GLIS3: variants seen among roughly 807,000 people sequenced by gnomAD.
GLIS3 encodes the protein GLIS family zinc finger 3.
GLIS3 carries 53 observed loss-of-function variants against 78.6 expected under a neutral mutation model. The observed-to-expected ratio is 0.67, with a 90% CI of 0.54 to 0.85. The LOEUF is 0.85. Ranked by LOEUF, GLIS3 falls within the 40% of genes least tolerant of loss-of-function variation. The pLI, the probability that GLIS3 is intolerant of heterozygous loss-of-function variation, is 0.00. For synonymous variants in GLIS3, 684 were observed against 509.9 expected, an observed-to-expected ratio of 1.34 and a Z score of -4.60; for missense variants, 1,703 against 1,231.1, an observed-to-expected ratio of 1.38 and a Z score of -5.74.
rs199976011 is a variant in GLIS3 at position 4,286,000 on chromosome 9, G to C, written c.388+38C>G. 3.2e-3 allele frequency: 5,214 copies of C among 1,613,214 alleles called. 9 individuals carry two copies. Among genetic ancestry groups the C allele is most frequent in the Non-Finnish European group, 4.0e-3 (4,695 of 1,179,482 alleles). On this transcript the variant is annotated intron_variant, in intron 2 of 10. Coordinates refer to ENST00000381971, the MANE Select transcript of GLIS3 (RefSeq NM_001042413.2). ...AAATGGGATGGGGGAGAAAAAAATC[G>C]TTTCCATTTTTAAAAGGTTCCAGAA...
intron 4 of GLIS3, among the ~76,000 whole-genome samples, chr9:4,050,602 A>T (rs1258730060): frequency 6.6e-6 from 1 of 152,186 alleles, no homozygotes; most frequent in African/African-American, 2.4e-5. Flanking sequence ...ATAATAATAA[A>T]AATAAAAGTA....
chr9:4,432,262 A>G, the GLIS3 span, among the ~76,000 whole-genome samples: 1 of 152,264 alleles, frequency 6.6e-6, no homozygotes, highest in Non-Finnish European at 1.5e-5. Context: ...TAAATGATAA[A>G]GTACCTTTAG....
intron 2 of GLIS3, among the ~76,000 whole-genome samples, chr9:4,220,790 T>C (rs945160408): frequency 6.6e-6 from 1 of 151,506 alleles, no homozygotes; most frequent in African/African-American, 2.4e-5. Flanking sequence ...CCATTCCTCA[T>C]TAAAAGAGCC....
chr9:3,879,562 C>A lies in GLIS3; in HGVS notation c.2162G>T (p.Ser721Ile). The A allele has an allele frequency of 1.2e-6, 2 of 1,614,082 alleles. No individual in the cohort carries two copies. Among genetic ancestry groups the A allele is most frequent in the Non-Finnish European group, 1.7e-6 (2 of 1,180,014 alleles). ...PIFSSNYSSRSGTAAGAVPPP... is the reference protein window; with the variant it reads ...PIFSSNYSSRIGTAAGAVPPP... ...TGGTACGGCCCCAGCAGCTGTTCCACTTCGGCTTGAATAATTGCTGGAGAA... is the reference window on the plus strand; with the variant it reads ...TGGTACGGCCCCAGCAGCTGTTCCAATTCGGCTTGAATAATTGCTGGAGAA... Residue 721 changes from serine to isoleucine, a missense_variant, in exon 8 of 11, where the codon AGT becomes ATT. Transcript: ENST00000381971.
intron 2 of GLIS3, among the ~76,000 whole-genome samples, chr9:4,241,440 A>G (rs2129705538): frequency 6.6e-6 from 1 of 152,318 alleles, no homozygotes; most frequent in South Asian, 2.1e-4. Flanking sequence ...GTATTTTTCA[A>G]AATAGCTAGA....
chr9:4,211,677 A>G (rs989021361), intron 2 of GLIS3, among the ~76,000 whole-genome samples: 1 of 152,244 alleles, frequency 6.6e-6, no homozygotes. Flanking sequence ...ATATTTATTC[A>G]GAAGAAATGA....
chr9:4,250,301 T>C (rs1428390536), intron 2 of GLIS3, among the ~76,000 whole-genome samples: 2 of 152,230 alleles, frequency 1.3e-5, no homozygotes, highest in African/African-American at 4.8e-5. Context: ...GAATTTGTTA[T>C]TGACCTACTC....
chr9:4,272,526 C>G (rs1291477645), intron 2 of GLIS3, among the ~76,000 whole-genome samples: 1 of 152,086 alleles, frequency 6.6e-6, no homozygotes, highest in Non-Finnish European at 1.5e-5. Context: ...CCTCTCTGTT[C>G]TCTTATTTTC....
At chr9:4,440,596 C>T in the GLIS3 span, among the ~76,000 whole-genome samples, 2 of 152,096 alleles carry the variant, frequency 1.3e-5, no homozygotes, top group Non-Finnish European at 2.9e-5. Context: ...GGTAGTGTTA[C>T]ACCTTTGTTC....
At chr9:4,020,497 T>C (rs1822796962) in intron 4 of GLIS3, among the ~76,000 whole-genome samples, 1 of 152,164 alleles carries the variant, frequency 6.6e-6, no homozygotes, top group South Asian at 2.1e-4. Context: ...TCACCAACCC[T>C]TTTGCTTAGT....
intron 6 of GLIS3, among the ~76,000 whole-genome samples, chr9:3,902,568 G>A (rs751704780): frequency 2.0e-4 from 31 of 152,212 alleles, no homozygotes; most frequent in Non-Finnish European, 3.8e-4. Flanking sequence ...TTCAGTGACA[G>A]GAGGGAGGGT....
rs183789884 is a variant in GLIS3 at position 3,923,831 on chromosome 9, C to T, written c.1983+8529G>A. ...CCTCATGTAGTGGCAGTGTGACAAG[C>T]AACCATCCTAAAAGCCATGCTTTTC... On this transcript the variant is annotated intron_variant, in intron 6 of 10. Transcript: ENST00000381971. Among the ~76,000 whole-genome samples, 297 of 152,308 alleles carry T rather than the reference C, an allele frequency of 1.9e-3. 7 individuals are homozygous for T. Among genetic ancestry groups the T allele is most frequent in the Middle Eastern group, 0.017 (5 of 294 alleles).
the GLIS3 span, among the ~76,000 whole-genome samples, chr9:4,460,164 G>A: frequency 6.6e-6 from 1 of 151,828 alleles, no homozygotes; most frequent in Non-Finnish European, 1.5e-5. Flanking sequence ...TCAACAGTGG[G>A]GAATCTCATG....
intron 7 of GLIS3, among the ~76,000 whole-genome samples, chr9:3,884,483 A>G (rs556623104): frequency 3.3e-5 from 5 of 152,202 alleles, no homozygotes; most frequent in Admixed American, 2.0e-4. Context: ...TTTAATGTGC[A>G]AATAAATCAT....
intron 4 of GLIS3, among the ~76,000 whole-genome samples, chr9:4,007,874 G>A (rs985150566): frequency 1.4e-5 from 2 of 147,876 alleles, no homozygotes; most frequent in Non-Finnish European, 3.0e-5. Context: ...CCCATGGCAG[G>A]TCGGGCGGGG....
At chr9:4,247,313 T>C (rs1823893358) in intron 2 of GLIS3, among the ~76,000 whole-genome samples, 1 of 152,020 alleles carries the variant, frequency 6.6e-6, no homozygotes, top group Non-Finnish European at 1.5e-5. Flanking sequence ...AAAGTAAAGG[T>C]GAACTCAAAT....
chr9:4,061,319 G>C (rs1826639517), intron 4 of GLIS3, among the ~76,000 whole-genome samples: 1 of 149,110 alleles, frequency 6.7e-6, no homozygotes, highest in African/African-American at 2.5e-5. Flanking sequence ...TGCGGTGTTT[G>C]GTTTTTTGTC....
chr9:3,970,449 T>C (rs769118010), intron 4 of GLIS3, among the ~76,000 whole-genome samples: 1 of 152,216 alleles, frequency 6.6e-6, no homozygotes, highest in African/African-American at 2.4e-5. Flanking sequence ...GGCAAACAAA[T>C]GCATTATTTG....
intron 6 of GLIS3, among the ~76,000 whole-genome samples, chr9:3,917,995 G>T (rs1228646076): frequency 2.0e-5 from 3 of 152,176 alleles, no homozygotes; most frequent in Non-Finnish European, 4.4e-5. Flanking sequence ...AATTTCAGGT[G>T]GGGGTGGTAA....
Sources: gnomAD v4.1 joint callset for allele counts (sites outside exome capture counted in the v4.1 genomes callset) on GRCh38, gnomAD v4.1.1 for gene constraint, MANE v1.5 for transcripts, NCBI Gene and HGNC (gene_info 2026-07-23, HGNC 2026-07-21) for gene names.